The following FGF14 variants were observed in gnomAD, a reference collection of about 807,000 sequenced individuals.
FGF14 encodes fibroblast growth factor 14, also known as fibroblast growth factor homologous factor 4.
A neutral mutation model predicts 25.5 loss-of-function variants in FGF14; 5 were observed. The observed-to-expected ratio is 0.20, with a 90% confidence interval of 0.10 to 0.41. The LOEUF (loss-of-function observed/expected upper bound fraction) is 0.41, where lower values mean the gene tolerates loss of function less well. FGF14 is among the 10% of genes least tolerant of loss of function. FGF14 has a pLI of 1.00. For synonymous variants in FGF14, 138 were observed against 118.3 expected, an observed-to-expected ratio of 1.17 and a Z score of -1.08; for missense variants, 222 against 320.1, an observed-to-expected ratio of 0.69 and a Z score of 2.34.
chr13:102,197,428 C>G (rs2049411983), intron 1 of FGF14, among the ~76,000 whole-genome samples: 1 of 152,042 alleles, frequency 6.6e-6, no homozygotes, highest in Non-Finnish European at 1.5e-5. Context: ...TTCCTGAGAC[C>G]TTGGCCAAGT....
chr13:102,129,940 G>A (rs2046121618), intron 1 of FGF14, among the ~76,000 whole-genome samples: 1 of 152,168 alleles, frequency 6.6e-6, no homozygotes, highest in Non-Finnish European at 1.5e-5. Flanking sequence ...CAGCAATAGA[G>A]TGTTACATTA....
intron 1 of FGF14, among the ~76,000 whole-genome samples, chr13:102,120,220 T>C (rs966530703): frequency 3.3e-5 from 5 of 151,850 alleles, no homozygotes; most frequent in East Asian, 1.9e-4. Flanking sequence ...ATGTGAACCA[T>C]AGGGGAAGAT....
intron 3 of FGF14, among the ~76,000 whole-genome samples, chr13:101,820,778 C>CTACAGTA (rs1408960886): frequency 7.0e-5 from 2 of 28,496 alleles, no homozygotes; most frequent in African/African-American, 1.5e-4. Flanking sequence ...ACACCACACA[C>CTACAGTA]CACACACACA....
At chr13:102,361,085 A>G (rs1379181714) in intron 1 of FGF14, among the ~76,000 whole-genome samples, 2 of 152,228 alleles carry the variant, frequency 1.3e-5, no homozygotes, top group African/African-American at 2.4e-5. Flanking sequence ...AGCAAATGGT[A>G]TCTCAGTGTC....
upstream of FGF14, among the ~76,000 whole-genome samples, chr13:101,918,709 T>C (rs1460879744): frequency 6.6e-6 from 1 of 152,242 alleles, no homozygotes; most frequent in African/African-American, 2.4e-5. Context: ...TGTTGTTTGT[T>C]ACCTTCACTC....
At chr13:102,068,538 G>C (rs1429690248) in intron 1 of FGF14, among the ~76,000 whole-genome samples, 1 of 152,216 alleles carries the variant, frequency 6.6e-6, no homozygotes, top group African/African-American at 2.4e-5. Flanking sequence ...GTTCCGGGTG[G>C]GCATGGGCTT....
At chr13:102,108,381 C>T (rs1326846067) in intron 1 of FGF14, among the ~76,000 whole-genome samples, 2 of 152,208 alleles carry the variant, frequency 1.3e-5, no homozygotes, top group Non-Finnish European at 2.9e-5. Context: ...AACGCTATAC[C>T]TGAAAGACAC....
chr13:102,324,466 C>T (rs1005783035), intron 1 of FGF14, among the ~76,000 whole-genome samples: 4 of 152,186 alleles, frequency 2.6e-5, no homozygotes, highest in Non-Finnish European at 4.4e-5. Context: ...ACATGCTGGG[C>T]GCTATGCATC....
chr13:102,086,218 T>A (rs1174000957), intron 1 of FGF14, among the ~76,000 whole-genome samples: 1 of 152,180 alleles, frequency 6.6e-6, no homozygotes, highest in Admixed American at 6.5e-5. Flanking sequence ...CAACTCCAAA[T>A]ACATATATAT....
At chr13:102,085,193 T>G (rs548723940) in intron 1 of FGF14, among the ~76,000 whole-genome samples, 87 of 146,056 alleles carry the variant, frequency 6.0e-4, no homozygotes, top group Middle Eastern at 6.8e-3. Context: ...TAAAGCTAAG[T>G]TTTTCTCTTT....
intron 3 of FGF14, among the ~76,000 whole-genome samples, chr13:101,819,206 A>G (rs1340836198): frequency 6.6e-6 from 1 of 152,222 alleles, no homozygotes; most frequent in Non-Finnish European, 1.5e-5. Context: ...AAATTAACTG[A>G]GGTCTTAAAA....
chr13:101,813,547 C>T (rs2041685631), intron 3 of FGF14, among the ~76,000 whole-genome samples: 1 of 152,144 alleles, frequency 6.6e-6, no homozygotes, highest in Non-Finnish European at 1.5e-5. Flanking sequence ...CCTAGAATGG[C>T]AAAAAGTAAA....
chr13:101,814,403 G>C (rs918902363), intron 3 of FGF14, among the ~76,000 whole-genome samples: 1 of 152,162 alleles, frequency 6.6e-6, no homozygotes, highest in Non-Finnish European at 1.5e-5. Context: ...CCTTAAAAAT[G>C]TATCTTCACA....
intron 3 of FGF14, among the ~76,000 whole-genome samples, chr13:101,760,014 T>C (rs1200911540): frequency 6.6e-6 from 1 of 152,162 alleles, no homozygotes; most frequent in African/African-American, 2.4e-5. Context: ...CTTCATCTAA[T>C]ACCAACCCCT....
chr13:102,015,626 A>T (rs1250123808), intron 1 of FGF14, among the ~76,000 whole-genome samples: 1 of 152,176 alleles, frequency 6.6e-6, no homozygotes, highest in African/African-American at 2.4e-5. Context: ...CCCATCAAAC[A>T]TGGAGGCAAT....
intron 1 of FGF14, chr13:102,354,235 G>A (rs1372492843): frequency 1.3e-5 from 2 of 152,192 alleles, no homozygotes; most frequent in African/African-American, 4.8e-5. Flanking sequence ...GCGGGACAAA[G>A]GACAGAACTC....
intron 1 of FGF14, among the ~76,000 whole-genome samples, chr13:102,029,871 T>C (rs2041123759): frequency 6.6e-6 from 1 of 152,124 alleles, no homozygotes; most frequent in South Asian, 2.1e-4. Flanking sequence ...TCTTGTGTCT[T>C]GTGCCCCTGT....
At chr13:101,898,302 A>G (rs1239125989) in intron 1 of FGF14, among the ~76,000 whole-genome samples, 2 of 151,440 alleles carry the variant, frequency 1.3e-5, no homozygotes, top group Non-Finnish European at 2.9e-5. Flanking sequence ...AGCATTTCAC[A>G]CAAGAGATAC....
At chr13:102,085,315 C>G (rs904479028) in intron 1 of FGF14, among the ~76,000 whole-genome samples, 2 of 152,168 alleles carry the variant, frequency 1.3e-5, no homozygotes, top group South Asian at 4.1e-4. Flanking sequence ...AGGCATTGTA[C>G]TTAATCCAAG....
Sources: allele counts gnomAD v4.1 joint callset (sites outside exome capture counted in the v4.1 genomes callset), GRCh38; gene constraint gnomAD v4.1.1; transcripts MANE v1.5; gene names NCBI Gene and HGNC (gene_info 2026-07-23, HGNC 2026-07-21).